SUGCT: variants seen among roughly 807,000 people sequenced by gnomAD.
SUGCT encodes succinyl-CoA:glutarate-CoA transferase.
Under a neutral mutation model 55.0 loss-of-function variants are expected in SUGCT, and 41 were observed. The observed-to-expected ratio is 0.74, with a 90% CI of 0.58 to 0.97. The LOEUF (loss-of-function observed/expected upper bound fraction) is 0.97. Ranked by LOEUF, SUGCT falls within the 50% of genes least tolerant of loss-of-function variation. SUGCT has a pLI of 0.00. For synonymous variants in SUGCT, 187 were observed against 200.4 expected, an observed-to-expected ratio of 0.93 and a Z score of 0.56; for missense variants, 568 against 547.8, an observed-to-expected ratio of 1.04 and a Z score of -0.37.
the SUGCT span, among the ~76,000 whole-genome samples, chr7:40,980,593 A>G: frequency 2.5e-3 from 374 of 152,300 alleles, 9 homozygotes; most frequent in Non-Finnish European, 3.8e-4. Flanking sequence ...CCAAAATACA[A>G]TGGTGGGACA....
At chr7:40,657,637 C>A (rs915193818) in intron 12 of SUGCT, among the ~76,000 whole-genome samples, 2 of 151,878 alleles carry the variant, frequency 1.3e-5, no homozygotes, top group Admixed American at 1.3e-4. Flanking sequence ...CGGGTTCAAG[C>A]GATTCTCCTG....
At position 40,572,978 on chromosome 7, in the gene SUGCT, G is replaced by A. The variant is rs553422912; in HGVS notation, c.1089+76592G>A. ...TTTGGAGAGTGGGCTGAGAAACCCC[G>A]GGACTGAAGACATAGGGTAGAGTAA... On this transcript the variant is annotated intron_variant, in intron 12 of 13. Transcript: ENST00000335693. Among the ~76,000 whole-genome samples, 11 of 152,206 alleles carry A rather than the reference G, an allele frequency of 7.2e-5. No homozygotes were observed. In the East Asian group the frequency reaches 1.5e-3, roughly 21 times the overall value.
At chr7:40,255,869 G>A (rs1055360805) in intron 7 of SUGCT, among the ~76,000 whole-genome samples, 4 of 151,980 alleles carry the variant, frequency 2.6e-5, no homozygotes, top group African/African-American at 9.7e-5. Flanking sequence ...TATTCATTTG[G>A]TAAATATAAT....
chr7:40,376,719 G>A (rs1022722772), intron 9 of SUGCT, among the ~76,000 whole-genome samples: 17 of 148,170 alleles, frequency 1.1e-4, no homozygotes, highest in Admixed American at 2.1e-4. Context: ...ATGTCTTCTC[G>A]TGTCAACATA....
chr7:40,333,661 A>ATT (rs1796467327), intron 9 of SUGCT, among the ~76,000 whole-genome samples: 1 of 38,618 alleles, frequency 2.6e-5, no homozygotes, highest in Non-Finnish European at 4.5e-5. Flanking sequence ...AAAAAAAAAA[A>ATT]AAAAAAAATA....
intron 9 of SUGCT, among the ~76,000 whole-genome samples, chr7:40,435,017 G>A (rs944068808): frequency 2.6e-5 from 4 of 152,114 alleles, no homozygotes; most frequent in African/African-American, 9.7e-5. Flanking sequence ...AGTTCGCCAA[G>A]CCGAAAGATG....
intron 7 of SUGCT, among the ~76,000 whole-genome samples, chr7:40,266,229 G>A (rs1791570378): frequency 9.1e-6 from 1 of 110,342 alleles, no homozygotes; most frequent in Non-Finnish European, 1.7e-5. Context: ...TTGTTGCCAA[G>A]GCTGGAGTGC....
At chr7:40,978,349 A>T in the SUGCT span, among the ~76,000 whole-genome samples, 1 of 152,196 alleles carries the variant, frequency 6.6e-6, no homozygotes, top group Non-Finnish European at 1.5e-5. Flanking sequence ...GTGTCAGGCG[A>T]CCACAATGTC....
At chr7:40,225,828 G>C (rs1253865942) in intron 6 of SUGCT, among the ~76,000 whole-genome samples, 1 of 152,098 alleles carries the variant, frequency 6.6e-6, no homozygotes, top group African/African-American at 2.4e-5. Context: ...TAGAATCATA[G>C]AAAGTAGCTG....
At chr7:40,683,985 G>A in intron 12 of SUGCT, 1 of 1,592,014 alleles carries the variant, frequency 6.3e-7, no homozygotes, top group Non-Finnish European at 8.6e-7. Context: ...GATCATGTGT[G>A]TTACTGGCAG....
chr7:40,518,091 C>T (rs1257556620), intron 12 of SUGCT, among the ~76,000 whole-genome samples: 1 of 151,966 alleles, frequency 6.6e-6, no homozygotes, highest in East Asian at 1.9e-4. Context: ...GAACTTTATG[C>T]ACTTATCAAA....
At position 40,366,109 on chromosome 7, in the gene SUGCT, A is replaced by G. The variant is rs1394934301; in HGVS notation, c.816+49254A>G. ...GAACAGAGCCCTCAGAAATAACGCC[A>G]CATATCTACAACTATCCGATCTTTG... On this transcript the variant is annotated intron_variant, in intron 9 of 13. Coordinates refer to ENST00000335693, the MANE Select transcript of SUGCT (RefSeq NM_001193313.2). Among the ~76,000 whole-genome samples the G allele has an allele frequency of 1.1e-4, 16 of 152,272 alleles. No individual in the cohort carries two copies. In the East Asian group the frequency reaches 2.7e-3, roughly 26 times the overall value.
At chr7:40,156,299 T>C (rs1783893207) in intron 1 of SUGCT, among the ~76,000 whole-genome samples, 1 of 151,980 alleles carries the variant, frequency 6.6e-6, no homozygotes, top group African/African-American at 2.4e-5. Context: ...CCGTCTCTAC[T>C]AAAAATACAA....
intron 13 of SUGCT, among the ~76,000 whole-genome samples, chr7:40,783,108 C>T (rs960804507): frequency 1.3e-5 from 2 of 152,148 alleles, no homozygotes; most frequent in Admixed American, 6.6e-5. Flanking sequence ...GCGTCAGTCA[C>T]TAGTGAGACA....
chr7:40,721,926 CTTT>C, intron 12 of SUGCT, among the ~76,000 whole-genome samples: 1 of 152,248 alleles, frequency 6.6e-6, no homozygotes, highest in South Asian at 2.1e-4. Flanking sequence ...CAAGAATGTC[CTTT>C]CATAGGAGAT....
the SUGCT span, among the ~76,000 whole-genome samples, chr7:40,970,027 A>G: frequency 6.6e-6 from 1 of 152,178 alleles, no homozygotes; most frequent in Non-Finnish European, 1.5e-5. Flanking sequence ...TTGCAGGTAA[A>G]AATCACCTAA....
chr7:40,624,440 A>G (rs1799419491), intron 12 of SUGCT, among the ~76,000 whole-genome samples: 1 of 152,198 alleles, frequency 6.6e-6, no homozygotes, highest in Non-Finnish European at 1.5e-5. Context: ...TTTAATCATC[A>G]CAATAACCAT....
At chr7:40,216,539 A>G (rs570336209) in intron 6 of SUGCT, among the ~76,000 whole-genome samples, 1 of 151,426 alleles carries the variant, frequency 6.6e-6, no homozygotes, top group Admixed American at 6.6e-5. Flanking sequence ...TGATAGGACA[A>G]GGCTGCTTAA....
intron 12 of SUGCT, among the ~76,000 whole-genome samples, chr7:40,741,789 T>TC (rs1456620215): frequency 6.6e-6 from 1 of 152,174 alleles, no homozygotes; most frequent in Non-Finnish European, 1.5e-5. Flanking sequence ...AATGGGTGAA[T>TC]CTCAGAAACA....
Sources: allele counts gnomAD v4.1 joint callset (sites outside exome capture counted in the v4.1 genomes callset), GRCh38; gene constraint gnomAD v4.1.1; transcripts MANE v1.5; gene names NCBI Gene and HGNC (gene_info 2026-07-23, HGNC 2026-07-21).